Variants in LRP1B observed in about 807,000 individuals in gnomAD.
LRP1B encodes the protein LDL receptor related protein 1B, also known as low-density lipoprotein receptor-related protein 1B.
A neutral mutation model predicts 556.6 loss-of-function variants in LRP1B; 217 were observed. The observed-to-expected ratio is 0.39, with a 90% confidence interval of 0.35 to 0.44. The LOEUF (loss-of-function observed/expected upper bound fraction) is 0.44. Among genes scored for constraint, LRP1B ranks in the 20% least tolerant of loss-of-function variants. The probability of loss-of-function intolerance (pLI) is 1.00; values close to 1 mark genes in which losing one functional copy is unlikely to be tolerated. For synonymous variants in LRP1B, 2,047 were observed against 1,865.8 expected (o/e 1.10, Z -2.50); for missense variants, 5,053 against 5,620.8 (o/e 0.90, Z 3.23).
At chr2:141,927,379 G>A (rs868628384) in intron 1 of LRP1B, among the ~76,000 whole-genome samples, 4 of 151,942 alleles carry the variant, frequency 2.6e-5, no homozygotes, top group Admixed American at 6.6e-5. Context: ...AAAAGTAAAC[G>A]ATATTTTTAT....
chr2:141,476,174 A>G (rs1682698663), intron 3 of LRP1B, among the ~76,000 whole-genome samples: 1 of 152,134 alleles, frequency 6.6e-6, no homozygotes, highest in Non-Finnish European at 1.5e-5. Flanking sequence ...TGGCGGCCCA[A>G]CAGATGAGCC....
At chr2:140,611,757 C>T (rs1683080286) in intron 41 of LRP1B, among the ~76,000 whole-genome samples, 1 of 151,940 alleles carries the variant, frequency 6.6e-6, no homozygotes, top group South Asian at 2.1e-4. Flanking sequence ...TTGATATAGT[C>T]CAAATTACAT....
intron 7 of LRP1B, among the ~76,000 whole-genome samples, chr2:141,126,394 A>G (rs940646234): frequency 1.4e-4 from 22 of 152,104 alleles, no homozygotes; most frequent in African/African-American, 5.3e-4. Flanking sequence ...ATTCTAGAGG[A>G]GGGCACTCAG....
At chr2:140,734,661 A>G (rs1687885542) in intron 35 of LRP1B, among the ~76,000 whole-genome samples, 2 of 152,124 alleles carry the variant, frequency 1.3e-5, no homozygotes, top group African/African-American at 4.8e-5. Flanking sequence ...TTTTAGGGTA[A>G]ATAATTGACA....
chr2:140,478,761 G>A (rs932155005), intron 59 of LRP1B, among the ~76,000 whole-genome samples: 1 of 151,986 alleles, frequency 6.6e-6, no homozygotes, highest in African/African-American at 2.4e-5. Flanking sequence ...TCTAAAAGAA[G>A]CAATTACAGT....
chr2:141,040,583 G>A (rs1318629925), intron 11 of LRP1B, among the ~76,000 whole-genome samples: 1 of 151,980 alleles, frequency 6.6e-6, no homozygotes, highest in Non-Finnish European at 1.5e-5. Context: ...ACCTATTTCT[G>A]GAGTTCTGAA....
At chr2:140,353,603 A>G (rs1682073861) in intron 75 of LRP1B, among the ~76,000 whole-genome samples, 1 of 152,030 alleles carries the variant, frequency 6.6e-6, no homozygotes, top group African/African-American at 2.4e-5. Context: ...CTCATCTTTC[A>G]AGATCCACCT....
intron 7 of LRP1B, among the ~76,000 whole-genome samples, chr2:141,101,894 A>G (rs551221080): frequency 1.3e-5 from 2 of 152,300 alleles, no homozygotes; most frequent in South Asian, 2.1e-4. Context: ...ATGGTACAGC[A>G]TATCAGTTTC....
chr2:141,566,135 A>G (rs2105255403), intron 2 of LRP1B, among the ~76,000 whole-genome samples: 1 of 150,644 alleles, frequency 6.6e-6, no homozygotes, highest in Admixed American at 6.7e-5. Flanking sequence ...TTCTTTGTCA[A>G]CCCACTAAGC....
intron 43 of LRP1B, among the ~76,000 whole-genome samples, chr2:140,559,449 T>A (rs1341396662): frequency 6.6e-6 from 1 of 152,110 alleles, no homozygotes; most frequent in Non-Finnish European, 1.5e-5. Context: ...CAATTGTATT[T>A]CTGTATACTA....
rs2105373871 is a variant in LRP1B, at chr2:141,005,419, T to A, written c.2419A>T (p.Thr807Ser). 6.2e-7 allele frequency: 1 copy of A among 1,611,654 alleles called. No homozygotes were observed. The change falls in exon 15 of 91, where the codon ACA (threonine) becomes TCA (serine). Residue 807 changes from threonine to serine, a missense_variant. By Grantham distance (58) the Thr-to-Ser change is moderately conservative (BLOSUM62 1). Coordinates refer to ENST00000389484, the MANE Select transcript of LRP1B (RefSeq NM_018557.3). ...CCTCCTGGGATAGCCAAGCAAAGTG[T>A]ACTACAGCCCCCATTATTTACTCGG... is the stretch of plus-strand genomic sequence containing the variant. ...MCRVNNGGCS[T>S]LCLAIPGGRV...
At chr2:142,015,615 A>C (rs1441160135) in intron 1 of LRP1B, among the ~76,000 whole-genome samples, 8 of 152,298 alleles carry the variant, frequency 5.3e-5, no homozygotes, top group Admixed American at 5.2e-4. Context: ...AAATTTTTGC[A>C]ATCTACTCAT....
chr2:141,702,383 T>G (rs1421737841), intron 2 of LRP1B, among the ~76,000 whole-genome samples: 1 of 151,886 alleles, frequency 6.6e-6, no homozygotes, highest in Non-Finnish European at 1.5e-5. Context: ...GTAACCGTTG[T>G]CCCCTGGGGA....
chr2:140,988,277 C>T (rs79314566), intron 17 of LRP1B, among the ~76,000 whole-genome samples: 4,035 of 151,976 alleles, frequency 0.027, 180 homozygotes, highest in African/African-American at 0.089. Context: ...TCTGGAGGTC[C>T]TTTTCTCTTA....
chr2:140,747,280 C>A (rs1168003737), intron 35 of LRP1B, among the ~76,000 whole-genome samples: 2 of 152,146 alleles, frequency 1.3e-5, no homozygotes, highest in Admixed American at 1.3e-4. Flanking sequence ...TTTCACTCAC[C>A]TAGGTGACAA....
At chr2:140,235,798 AATG>A (rs766689977) in intron 89 of LRP1B, among the ~76,000 whole-genome samples, 3 of 150,710 alleles carry the variant, frequency 2.0e-5, no homozygotes, top group Admixed American at 6.6e-5. Context: ...TAGAAATAAA[AATG>A]ATGAGGAAAA....
At chr2:141,216,233 G>C (rs931929096) in intron 6 of LRP1B, among the ~76,000 whole-genome samples, 4 of 152,202 alleles carry the variant, frequency 2.6e-5, no homozygotes, top group Admixed American at 2.0e-4. Flanking sequence ...CTTTCGTCCA[G>C]ATACACCTCG....
rs914525363 is a variant in LRP1B at position 141,070,677 on chromosome 2, C to T, written c.1014-8404G>A. Among the ~76,000 whole-genome samples, 4 of 152,018 alleles carry T rather than the reference C, an allele frequency of 2.6e-5. No individual in the cohort carries two copies. The South Asian group carries it at 6.2e-4, about 24-fold the overall frequency. ...ATAAAAAATGATAAAGGGGATATCA[C>T]CACCGATCCCACAGAACTACAAACT... is the stretch of plus-strand genomic sequence containing the variant. On this transcript the variant is annotated intron_variant, in intron 7 of 90. Transcript: ENST00000389484.
At chr2:141,688,664 A>C (rs1207018665) in intron 2 of LRP1B, among the ~76,000 whole-genome samples, 2 of 151,894 alleles carry the variant, frequency 1.3e-5, no homozygotes, top group Non-Finnish European at 2.9e-5. Flanking sequence ...TGAGAATTTC[A>C]ACCCATGCAA....
Sources: gnomAD v4.1 joint callset for allele counts (sites outside exome capture counted in the v4.1 genomes callset) on GRCh38, gnomAD v4.1.1 for gene constraint, MANE v1.5 for transcripts, NCBI Gene and HGNC (gene_info 2026-07-23, HGNC 2026-07-21) for gene names.